The following TSHZ2 variants were observed in gnomAD, a reference collection of about 807,000 sequenced individuals.
TSHZ2 encodes the protein teashirt homolog 2.
A neutral mutation model predicts 74.4 loss-of-function variants in TSHZ2; 21 were observed. That is an observed-to-expected ratio of 0.28 (90% CI 0.20 to 0.41). TSHZ2 has a LOEUF of 0.41. Among genes scored for constraint, TSHZ2 ranks in the 10% least tolerant of loss-of-function variants. The pLI is 1.00. For missense variants in TSHZ2, 1,244 were observed against 1,293.5 expected (o/e 0.96, Z 0.59); for synonymous variants, 540 against 515.3 (o/e 1.05, Z -0.65).
intron 2 of TSHZ2, among the ~76,000 whole-genome samples, chr20:53,378,233 G>A (rs940196951): frequency 4.0e-4 from 60 of 151,596 alleles, no homozygotes; most frequent in Admixed American, 9.9e-4. Context: ...CCAACTACTC[G>A]GAAAGCTGAT....
intron 2 of TSHZ2, among the ~76,000 whole-genome samples, chr20:53,403,913 CA>C (rs1982758579): frequency 6.6e-6 from 1 of 152,000 alleles, no homozygotes; most frequent in Non-Finnish European, 1.5e-5. Flanking sequence ...AGCCGTGAGC[CA>C]AAACGTTATA....
At chr20:53,050,178 CATATATATGTATATATATATATGTATGT>C (rs1216666687) in intron 1 of TSHZ2, among the ~76,000 whole-genome samples, 5 of 137,306 alleles carry the variant, frequency 3.6e-5, no homozygotes, top group Admixed American at 2.9e-4. Context: ...CATATATACA[CATATATATGTATATATATATATGTATGT>C]ATATATATGA....
Position 53,235,136 on chromosome 20 carries a change from GC to G in TSHZ2, c.41-18362del, listed in dbSNP as rs1417682428. ...TCTGAGCTTGGTTTTGTTGGGCGGG[GC>G]GGGGGGGGGGGAATGGGGGAGGGCG... On this transcript the variant is annotated intron_variant, in intron 1 of 2. Transcript: ENST00000371497. 1.2e-3 allele frequency among the ~76,000 whole-genome samples: 139 copies of G among 119,384 alleles called. 1 individual carries two copies. The highest frequency in any genetic ancestry group is 3.8e-3 in the African/African-American group (110 of 29,130). The allele number at this position is 119,384 out of a possible 152,430, so 78.3% of individuals were successfully genotyped here.
intron 1 of TSHZ2, among the ~76,000 whole-genome samples, chr20:52,986,954 T>G (rs1981790483): frequency 6.6e-6 from 1 of 151,956 alleles, no homozygotes; most frequent in African/African-American, 2.4e-5. Context: ...GGGAAGATGT[T>G]GCACAAGCTG....
intron 2 of TSHZ2, among the ~76,000 whole-genome samples, chr20:53,433,700 C>T (rs1983935469): frequency 6.6e-6 from 1 of 151,858 alleles, no homozygotes; most frequent in African/African-American, 2.4e-5. Flanking sequence ...GGGACTAATC[C>T]AGTAGCAAGA....
Position 53,106,391 on chromosome 20 carries a change from CTTTTTTTTTTTTTTTTTTTTT to C in TSHZ2, c.40+133069_40+133089del, listed in dbSNP as rs71194458. On this transcript the variant is annotated intron_variant, in intron 1 of 2. Coordinates refer to ENST00000371497, the MANE Select transcript of TSHZ2 (RefSeq NM_173485.6). ...TTCCTCTAGGGCCTTCTCACACTTTCTTTTTTTTTTTTTTTTTTTTTTTTTTTTTTTGAGACGGAGTCTTGC... is the reference window on the plus strand; with the variant it reads ...TTCCTCTAGGGCCTTCTCACACTTTCTTTTTTTTTTGAGACGGAGTCTTGC... 1.7e-4 allele frequency among the ~76,000 whole-genome samples: 10 copies of C among 58,938 alleles called. 1 individual carries two copies. Among genetic ancestry groups the C allele is most frequent in the African/African-American group, 7.0e-4 (10 of 14,258 alleles). 38.7% of individuals were successfully genotyped at this position (58,938 alleles called of 152,430 possible).
At chr20:53,348,530 AAAAG>A (rs1253481221) in intron 2 of TSHZ2, among the ~76,000 whole-genome samples, 1 of 130,320 alleles carries the variant, frequency 7.7e-6, no homozygotes, top group East Asian at 2.2e-4. Context: ...TTTAGAAAAA[AAAAG>A]AAAAGAAAAA....
chr20:53,245,089 A>G (rs934119447), intron 1 of TSHZ2, among the ~76,000 whole-genome samples: 1 of 152,186 alleles, frequency 6.6e-6, no homozygotes, highest in African/African-American at 2.4e-5. Context: ...AAGTGCCTAG[A>G]ACCAGCACTG....
chr20:53,333,646 C>G (rs574430808), intron 2 of TSHZ2, among the ~76,000 whole-genome samples: 1 of 152,030 alleles, frequency 6.6e-6, no homozygotes, highest in Non-Finnish European at 1.5e-5. Context: ...TTAGTAGAGA[C>G]GGGGTTTCAC....
At chr20:53,317,610 CT>C (rs112937955) in intron 2 of TSHZ2, among the ~76,000 whole-genome samples, 6 of 152,230 alleles carry the variant, frequency 3.9e-5, no homozygotes, top group African/African-American at 1.4e-4. Flanking sequence ...GCATGCAGGC[CT>C]CGAGTCCAGC....
At chr20:53,185,357 CA>C in intron 1 of TSHZ2, 2 of 1,161,792 alleles carry the variant, frequency 1.7e-6, no homozygotes, top group Non-Finnish European at 2.1e-6. Flanking sequence ...CTGTTTGCTC[CA>C]AAATTGGTGA....
At chr20:53,075,576 G>C (rs2123212632) in intron 1 of TSHZ2, among the ~76,000 whole-genome samples, 1 of 152,282 alleles carries the variant, frequency 6.6e-6, no homozygotes, top group South Asian at 2.1e-4. Context: ...AAGTGCAAAA[G>C]CCCTAGATGA....
At chr20:53,191,137 C>T (rs1988727388) in intron 1 of TSHZ2, among the ~76,000 whole-genome samples, 1 of 151,958 alleles carries the variant, frequency 6.6e-6, no homozygotes, top group South Asian at 2.1e-4. Context: ...AAAATATACA[C>T]ACGTATACAT....
chr20:53,085,816 A>G (rs1458419047), intron 1 of TSHZ2, among the ~76,000 whole-genome samples: 1 of 152,160 alleles, frequency 6.6e-6, no homozygotes. Context: ...ACTGAGTTCA[A>G]CTTCCTCAAA....
At chr20:53,224,153 C>G (rs1249885928) in intron 1 of TSHZ2, among the ~76,000 whole-genome samples, 5 of 152,108 alleles carry the variant, frequency 3.3e-5, no homozygotes, top group African/African-American at 1.2e-4. Context: ...AAAGGTACAT[C>G]AAACCCAAAA....
intron 1 of TSHZ2, among the ~76,000 whole-genome samples, chr20:53,121,169 T>C (rs991827897): frequency 1.3e-5 from 2 of 152,226 alleles, no homozygotes; most frequent in Non-Finnish European, 2.9e-5. Flanking sequence ...CAGGTAGTTC[T>C]TTTACTGTTG....
intron 2 of TSHZ2, among the ~76,000 whole-genome samples, chr20:53,426,950 G>A (rs1600630614): frequency 2.0e-5 from 3 of 152,262 alleles, no homozygotes; most frequent in Admixed American, 2.0e-4. Context: ...TTCCTATTTA[G>A]CCGTGATTTT....
chr20:53,148,278 T>A (rs543067405), intron 1 of TSHZ2, among the ~76,000 whole-genome samples: 1 of 152,290 alleles, frequency 6.6e-6, no homozygotes, highest in East Asian at 1.9e-4. Context: ...TCAGGGCACA[T>A]TCTGCATTGT....
At chr20:53,457,741 C>T (rs1315216454) in intron 2 of TSHZ2, among the ~76,000 whole-genome samples, 4 of 151,294 alleles carry the variant, frequency 2.6e-5, no homozygotes, top group Non-Finnish European at 5.9e-5. Context: ...CCATCAATAC[C>T]TAATTTATTG....
Sources: gnomAD v4.1 joint callset for allele counts (sites outside exome capture counted in the v4.1 genomes callset) on GRCh38, gnomAD v4.1.1 for gene constraint, MANE v1.5 for transcripts, NCBI Gene and HGNC (gene_info 2026-07-23, HGNC 2026-07-21) for gene names.